The following DAB1 variants were observed in gnomAD, a reference collection of about 807,000 sequenced individuals.
DAB1 encodes the protein disabled homolog 1.
A neutral mutation model predicts 64.6 loss-of-function variants in DAB1; 15 were observed. The ratio of observed to expected loss-of-function variants is 0.23; its 90% CI spans 0.16 to 0.36. The LOEUF is 0.36. Ranked by LOEUF, DAB1 falls within the 10% of genes least tolerant of loss-of-function variation. DAB1 has a pLI of 1.00. For missense variants in DAB1, 596 were observed against 706.7 expected (o/e 0.84, Z 1.78); for synonymous variants, 235 against 251.9 (o/e 0.93, Z 0.64).
intron 5 of DAB1, among the ~76,000 whole-genome samples, chr1:58,129,711 A>G (rs2100691789): frequency 6.7e-6 from 1 of 148,674 alleles, no homozygotes; most frequent in South Asian, 2.2e-4. Context: ...TCATTTCGTT[A>G]TGTACCCAGT....
chr1:57,566,907 T>C (rs977200924), intron 7 of DAB1, among the ~76,000 whole-genome samples: 21 of 152,110 alleles, frequency 1.4e-4, no homozygotes, highest in Non-Finnish European at 7.4e-5. Flanking sequence ...AAAGAGGGAA[T>C]CCTCCCTAAC....
At chr1:58,030,950 G>A (rs1162404951) in intron 5 of DAB1, among the ~76,000 whole-genome samples, 1 of 152,206 alleles carries the variant, frequency 6.6e-6, no homozygotes, top group African/African-American at 2.4e-5. Context: ...TAAGAAAGGT[G>A]TGGATAAAAT....
intron 5 of DAB1, among the ~76,000 whole-genome samples, chr1:57,915,172 A>G (rs575829948): frequency 1.3e-4 from 20 of 151,916 alleles, no homozygotes; most frequent in Middle Eastern, 6.8e-3. Context: ...CCCGGAAGGA[A>G]AAAAAGAACT....
chr1:57,845,549 G>A (rs1653242760), intron 1 of DAB1, among the ~76,000 whole-genome samples: 1 of 152,164 alleles, frequency 6.6e-6, no homozygotes, highest in Admixed American at 6.5e-5. Context: ...TTCAGCTTGG[G>A]CAAGTGACAA....
chr1:58,281,158 G>T (rs1027645537), intron 4 of DAB1, among the ~76,000 whole-genome samples: 1 of 152,220 alleles, frequency 6.6e-6, no homozygotes, highest in Admixed American at 6.5e-5. Flanking sequence ...CATCATGACG[G>T]AAGGGAATTG....
chr1:58,053,175 C>T (rs1368817070), intron 5 of DAB1, among the ~76,000 whole-genome samples: 2 of 152,198 alleles, frequency 1.3e-5, no homozygotes, highest in Admixed American at 6.5e-5. Context: ...TTCACATATT[C>T]AGCTATCTTT....
At chr1:58,245,770 A>T (rs1037983167) in intron 4 of DAB1, among the ~76,000 whole-genome samples, 4 of 152,228 alleles carry the variant, frequency 2.6e-5, no homozygotes, top group Non-Finnish European at 5.9e-5. Flanking sequence ...GTAATTTAAA[A>T]TTTAAACCCA....
chr1:57,689,493 C>T (rs1646738279), intron 6 of DAB1, among the ~76,000 whole-genome samples: 1 of 152,128 alleles, frequency 6.6e-6, no homozygotes, highest in South Asian at 2.1e-4. Context: ...GAAGTCTTCC[C>T]TCTCCGAGTG....
intron 2 of DAB1, among the ~76,000 whole-genome samples, chr1:58,526,919 A>G (rs79049047): frequency 6.6e-6 from 1 of 152,130 alleles, no homozygotes; most frequent in Non-Finnish European, 1.5e-5. Flanking sequence ...TAAAATTTCA[A>G]TTTGTATGTT....
chr1:57,262,585 A>G (rs1280869547), intron 2 of DAB1, among the ~76,000 whole-genome samples: 3 of 152,206 alleles, frequency 2.0e-5, no homozygotes, highest in African/African-American at 7.2e-5. Flanking sequence ...GATTTTACTT[A>G]CACCTACTTT....
At chr1:57,643,140 T>C (rs944390675) in intron 7 of DAB1, among the ~76,000 whole-genome samples, 1 of 152,184 alleles carries the variant, frequency 6.6e-6, no homozygotes, top group Admixed American at 6.5e-5. Context: ...CACATCTCTG[T>C]CTGGGGGCAA....
At chr1:57,943,905 A>G (rs1267328710) in intron 5 of DAB1, among the ~76,000 whole-genome samples, 1 of 152,134 alleles carries the variant, frequency 6.6e-6, no homozygotes, top group Non-Finnish European at 1.5e-5. Context: ...CGGAAAGAAT[A>G]AGGCCTTAAG....
chr1:58,299,877 C>T (rs1662081871), intron 4 of DAB1, among the ~76,000 whole-genome samples: 1 of 152,170 alleles, frequency 6.6e-6, no homozygotes, highest in South Asian at 2.1e-4. Context: ...CATACCTAGG[C>T]CCTGTCCCTC....
intron 1 of DAB1, among the ~76,000 whole-genome samples, chr1:57,363,778 G>A (rs1679744918): frequency 1.3e-5 from 2 of 152,068 alleles, no homozygotes; most frequent in African/African-American, 2.4e-5. Flanking sequence ...AACAAACCAG[G>A]ACATCTAGAA....
chr1:57,196,573 G>GTAGGCA (rs1327625242), intron 2 of DAB1, among the ~76,000 whole-genome samples: 1 of 152,232 alleles, frequency 6.6e-6, no homozygotes, highest in Non-Finnish European at 1.5e-5. Context: ...CAACACGGGT[G>GTAGGCA]TAGGCAATCC....
chr1:57,732,335 A>G (rs1311092622), intron 6 of DAB1, among the ~76,000 whole-genome samples: 1 of 152,196 alleles, frequency 6.6e-6, no homozygotes, highest in Non-Finnish European at 1.5e-5. Context: ...GGCAAACTCC[A>G]CTACTGTCGA....
At position 57,192,221 on chromosome 1, in the gene DAB1, T is replaced by C. The variant is rs1413309150; in HGVS notation, c.68-46792A>G. Among the ~76,000 whole-genome samples the C allele has an allele frequency of 2.0e-5, 3 of 151,300 alleles. No homozygotes were observed. In the East Asian group the frequency reaches 5.8e-4, roughly 29 times the overall value. On this transcript the variant is annotated intron_variant, in intron 2 of 14. Coordinates refer to ENST00000371236, the MANE Select transcript of DAB1 (RefSeq NM_001365792.1). ...AGTCCCAGGTACTTGGGAGGCTGAG[T>C]CAGGAGAATCACTTGAATCCACAAG...
At chr1:58,256,854 T>C (rs1660943511) in intron 4 of DAB1, among the ~76,000 whole-genome samples, 1 of 152,232 alleles carries the variant, frequency 6.6e-6, no homozygotes. Context: ...AGTCCACAAA[T>C]TGATCTCCCC....
intron 3 of DAB1, among the ~76,000 whole-genome samples, chr1:58,475,924 A>G (rs1050912373): frequency 1.6e-4 from 25 of 152,258 alleles, no homozygotes; most frequent in Admixed American, 2.6e-4. Flanking sequence ...TACTTAAAAA[A>G]ATACAACCTT....
Sources: gnomAD v4.1 joint callset for allele counts (sites outside exome capture counted in the v4.1 genomes callset) on GRCh38, gnomAD v4.1.1 for gene constraint, MANE v1.5 for transcripts, NCBI Gene and HGNC (gene_info 2026-07-23, HGNC 2026-07-21) for gene names.